Variants in ADGRL2 observed in about 807,000 individuals in gnomAD.
ADGRL2 encodes calcium-independent alpha-latrotoxin receptor 2.
ADGRL2 carries 44 observed loss-of-function variants against 157.4 expected under a neutral mutation model. The ratio of observed to expected loss-of-function variants is 0.28; its 90% CI spans 0.22 to 0.36. The LOEUF (loss-of-function observed/expected upper bound fraction) is 0.36. Ranked by LOEUF, ADGRL2 falls within the 10% of genes least tolerant of loss-of-function variation. The pLI is 1.00. For missense variants in ADGRL2, 1,510 were observed against 1,768.9 expected, an observed-to-expected ratio of 0.85 and a Z score of 2.63; for synonymous variants, 585 against 624.7, an observed-to-expected ratio of 0.94 and a Z score of 0.95.
intron 17 of ADGRL2, among the ~76,000 whole-genome samples, chr1:81,975,845 G>A (rs6598978): frequency 1 from 151,670 of 152,086 alleles, 75,628 homozygotes; most frequent in Middle Eastern, 1. Context: ...TCATTTCCAC[G>A]GTTGTATTTT....
At chr1:81,418,106 T>C (rs2077063052) in intron 1 of ADGRL2, among the ~76,000 whole-genome samples, 1 of 152,234 alleles carries the variant, frequency 6.6e-6, no homozygotes, top group South Asian at 2.1e-4. Context: ...CTAATTTGAA[T>C]ACATAGTGTC....
intron 1 of ADGRL2, among the ~76,000 whole-genome samples, chr1:81,737,078 C>T (rs1279067606): frequency 1.3e-5 from 2 of 152,120 alleles, no homozygotes; most frequent in South Asian, 2.1e-4. Flanking sequence ...TCATGATCCA[C>T]CTGCCTCGGC....
At chr1:81,354,189 T>A (rs1276895320) in intron 1 of ADGRL2, among the ~76,000 whole-genome samples, 2 of 152,172 alleles carry the variant, frequency 1.3e-5, no homozygotes, top group East Asian at 1.9e-4. Context: ...TTTTATTTAA[T>A]CCTCACAAAT....
At chr1:81,775,813 A>G (rs2086560185) in intron 2 of ADGRL2, among the ~76,000 whole-genome samples, 1 of 152,180 alleles carries the variant, frequency 6.6e-6, no homozygotes, top group Non-Finnish European at 1.5e-5. Context: ...TGGTACAGAA[A>G]CTAAATATTA....
chr1:81,874,630 T>TGTCC (rs1557823170), intron 2 of ADGRL2, among the ~76,000 whole-genome samples: 30 of 33,802 alleles, frequency 8.9e-4, no homozygotes, highest in East Asian at 8.9e-3. Flanking sequence ...TTGTCTTGTC[T>TGTCC]TGTCTTGTCC....
At chr1:81,390,954 A>G (rs1435725984) in intron 1 of ADGRL2, among the ~76,000 whole-genome samples, 1 of 152,292 alleles carries the variant, frequency 6.6e-6, no homozygotes, top group South Asian at 2.1e-4. Flanking sequence ...CTGCTGCGTC[A>G]TGTATTTTCT....
At chr1:81,624,113 C>A (rs1570667434) in intron 3 of ADGRL2, among the ~76,000 whole-genome samples, 1 of 152,110 alleles carries the variant, frequency 6.6e-6, no homozygotes, top group African/African-American at 2.4e-5. Context: ...GAAGAACAGT[C>A]TCCCAGAGAC....
intron 1 of ADGRL2, among the ~76,000 whole-genome samples, chr1:81,819,751 T>G (rs2090795628): frequency 6.6e-6 from 1 of 152,290 alleles, no homozygotes; most frequent in South Asian, 2.1e-4. Context: ...ACTTTTGTCA[T>G]TATTAGACCT....
chr1:81,464,219 C>T (rs915223714), intron 2 of ADGRL2, among the ~76,000 whole-genome samples: 7 of 152,090 alleles, frequency 4.6e-5, no homozygotes, highest in Non-Finnish European at 1.0e-4. Flanking sequence ...CCAAAGAAAT[C>T]ATGCTGGCCA....
intron 2 of ADGRL2, among the ~76,000 whole-genome samples, chr1:81,494,234 C>G (rs936471687): frequency 2.6e-5 from 4 of 152,142 alleles, no homozygotes; most frequent in Non-Finnish European, 5.9e-5. Flanking sequence ...TTCAATCAAT[C>G]AGCAACATTC....
intron 2 of ADGRL2, among the ~76,000 whole-genome samples, chr1:81,863,086 T>A (rs75738199): frequency 0.023 from 3,448 of 151,756 alleles, 58 homozygotes; most frequent in Non-Finnish European, 0.034. Context: ...TATGGGGGAG[T>A]CTAACAGTAC....
chr1:81,684,194 T>C (rs1399573519), intron 3 of ADGRL2, among the ~76,000 whole-genome samples: 1 of 152,182 alleles, frequency 6.6e-6, no homozygotes, highest in African/African-American at 2.4e-5. Flanking sequence ...TTTCAGTTCT[T>C]TAAGGAATCT....
At chr1:81,603,377 G>C (rs1416998205) in intron 3 of ADGRL2, among the ~76,000 whole-genome samples, 2 of 152,138 alleles carry the variant, frequency 1.3e-5, no homozygotes, top group African/African-American at 4.8e-5. Context: ...ATGCATGTGT[G>C]TGTGATGATA....
intron 3 of ADGRL2, among the ~76,000 whole-genome samples, chr1:81,659,855 T>C (rs568327568): frequency 6.6e-6 from 1 of 152,348 alleles, no homozygotes; most frequent in African/African-American, 2.4e-5. Flanking sequence ...CATTAAGTAG[T>C]GAGCTGTGAT....
At chr1:81,969,948 T>G (rs1040120889) in intron 15 of ADGRL2, among the ~76,000 whole-genome samples, 1 of 152,164 alleles carries the variant, frequency 6.6e-6, no homozygotes, top group African/African-American at 2.4e-5. Flanking sequence ...AACAACACTT[T>G]TAAAGACTTG....
intron 3 of ADGRL2, among the ~76,000 whole-genome samples, chr1:81,912,196 C>T (rs977304339): frequency 6.6e-6 from 1 of 151,934 alleles, no homozygotes; most frequent in Non-Finnish European, 1.5e-5. Context: ...CTCAGCCTCC[C>T]AAGTAGCTGG....
intron 1 of ADGRL2, among the ~76,000 whole-genome samples, chr1:81,440,601 T>C (rs771913796): frequency 7.9e-5 from 12 of 152,344 alleles, no homozygotes; most frequent in Non-Finnish European, 1.5e-4. Flanking sequence ...CACTAATTTA[T>C]AATCCTACAG....
At chr1:81,453,680 T>C (rs892901090) in intron 2 of ADGRL2, among the ~76,000 whole-genome samples, 1 of 152,178 alleles carries the variant, frequency 6.6e-6, no homozygotes, top group South Asian at 2.1e-4. Flanking sequence ...AGTGGACTGG[T>C]GACTTTAGCA....
At chr1:81,973,940 A>ATAT (rs1553211178) in intron 17 of ADGRL2, among the ~76,000 whole-genome samples, 1 of 151,460 alleles carries the variant, frequency 6.6e-6, no homozygotes, top group East Asian at 1.9e-4. Context: ...GTGGGGAAAA[A>ATAT]ATATATATAT....
Sources: gnomAD v4.1 joint callset for allele counts (sites outside exome capture counted in the v4.1 genomes callset) on GRCh38, gnomAD v4.1.1 for gene constraint, MANE v1.5 for transcripts, NCBI Gene and HGNC (gene_info 2026-07-23, HGNC 2026-07-21) for gene names.